FRMD4A: variants seen among roughly 807,000 people sequenced by gnomAD.
The protein encoded by FRMD4A is FERM domain-containing protein 4A.
FRMD4A carries 29 observed loss-of-function variants against 129.1 expected under a neutral mutation model. The observed-to-expected ratio is 0.22, with a 90% CI of 0.17 to 0.31. The LOEUF is 0.31. Ranked by LOEUF, FRMD4A falls within the 10% of genes least tolerant of loss-of-function variation. FRMD4A has a pLI of 1.00. For missense variants in FRMD4A, 1,272 were observed against 1,375.8 expected (o/e 0.92, Z 1.19); for synonymous variants, 634 against 571.6 (o/e 1.11, Z -1.56).
At chr10:14,124,507 C>A (rs1394442594) in intron 2 of FRMD4A, among the ~76,000 whole-genome samples, 1 of 152,108 alleles carries the variant, frequency 6.6e-6, no homozygotes, top group Non-Finnish European at 1.5e-5. Context: ...GAAACCTCAT[C>A]TCTACTATAA....
At chr10:13,683,155 A>T (rs1290980240) in intron 15 of FRMD4A, among the ~76,000 whole-genome samples, 1 of 152,162 alleles carries the variant, frequency 6.6e-6, no homozygotes, top group Non-Finnish European at 1.5e-5. Context: ...TGTAGCTGGG[A>T]TTACAGCGCG....
At chr10:13,688,231 C>T (rs568379678) in intron 15 of FRMD4A, among the ~76,000 whole-genome samples, 3 of 152,126 alleles carry the variant, frequency 2.0e-5, no homozygotes, top group Non-Finnish European at 4.4e-5. Context: ...ATGATGAGTT[C>T]ATGTCCTTTG....
At chr10:14,081,316 C>T (rs1371002154) in intron 2 of FRMD4A, among the ~76,000 whole-genome samples, 3 of 152,174 alleles carry the variant, frequency 2.0e-5, no homozygotes, top group Non-Finnish European at 4.4e-5. Flanking sequence ...TGCATTAAAG[C>T]CAATGTACCT....
chr10:13,813,436 C>G (rs112349675), intron 3 of FRMD4A, among the ~76,000 whole-genome samples: 95 of 152,272 alleles, frequency 6.2e-4, no homozygotes, highest in Middle Eastern at 3.4e-3. Context: ...GCGAGACTGT[C>G]TCAAAATAAA....
intron 2 of FRMD4A, among the ~76,000 whole-genome samples, chr10:14,178,303 A>G (rs1010146643): frequency 1.3e-5 from 2 of 152,226 alleles, no homozygotes; most frequent in African/African-American, 2.4e-5. Context: ...ATTTTAGACT[A>G]TTAGGCTATT....
chr10:13,980,142 A>AT (rs1292784350), intron 2 of FRMD4A, among the ~76,000 whole-genome samples: 1 of 152,158 alleles, frequency 6.6e-6, no homozygotes, highest in African/African-American at 2.4e-5. Flanking sequence ...TCTAGACTGC[A>AT]TTTTTCTCTT....
chr10:14,165,075 C>T (rs979559697), intron 2 of FRMD4A, among the ~76,000 whole-genome samples: 1 of 152,038 alleles, frequency 6.6e-6, no homozygotes, highest in African/African-American at 2.4e-5. Context: ...AAATAGACAA[C>T]CTATAGAATA....
At chr10:14,089,640 C>CAAAAAAAAAAAAAAAAAA (rs759243260) in intron 2 of FRMD4A, among the ~76,000 whole-genome samples, 1 of 70,276 alleles carries the variant, frequency 1.4e-5, no homozygotes, top group African/African-American at 5.0e-5. Flanking sequence ...CAAAAAAAAA[C>CAAAAAAAAAAAAAAAAAA]AAACAAAAAA....
At chr10:13,715,905 CAAAAAA>C (rs61600242) in intron 12 of FRMD4A, among the ~76,000 whole-genome samples, 4 of 125,454 alleles carry the variant, frequency 3.2e-5, no homozygotes, top group Admixed American at 8.6e-5. Flanking sequence ...ACTCCCCCCT[CAAAAAA>C]AAAAAAAAAA....
intron 2 of FRMD4A, among the ~76,000 whole-genome samples, chr10:14,017,976 A>T (rs1002074725): frequency 6.6e-6 from 1 of 152,230 alleles, no homozygotes; most frequent in African/African-American, 2.4e-5. Context: ...CCTCCAGTGG[A>T]CAAATCCTTA....
chr10:13,792,553 A>T (rs745773219), intron 5 of FRMD4A, among the ~76,000 whole-genome samples: 2 of 152,196 alleles, frequency 1.3e-5, no homozygotes, highest in Non-Finnish European at 2.9e-5. Flanking sequence ...GGAAGAATTT[A>T]TGGACCATCC....
At chr10:13,800,493 T>C (rs1345466234) in intron 4 of FRMD4A, among the ~76,000 whole-genome samples, 1 of 152,262 alleles carries the variant, frequency 6.6e-6, no homozygotes, top group Non-Finnish European at 1.5e-5. Context: ...AATACAGTGA[T>C]TTTTCTCTGG....
intron 2 of FRMD4A, among the ~76,000 whole-genome samples, chr10:14,157,262 T>C (rs1248236902): frequency 2.0e-5 from 3 of 152,170 alleles, no homozygotes. Context: ...CACCTCTCTT[T>C]CTCTGTCTCT....
intron 2 of FRMD4A, among the ~76,000 whole-genome samples, chr10:13,979,007 G>A (rs1394645560): frequency 6.6e-6 from 1 of 152,104 alleles, no homozygotes; most frequent in Non-Finnish European, 1.5e-5. Context: ...ATGCACACCA[G>A]GCCCCAGTAG....
At chr10:13,902,708 C>T (rs1214493947) in intron 2 of FRMD4A, among the ~76,000 whole-genome samples, 1 of 151,918 alleles carries the variant, frequency 6.6e-6, no homozygotes, top group African/African-American at 2.4e-5. Context: ...GGTGTGGTGG[C>T]ACACACTTGT....
chr10:14,028,108 A>G (rs967293218), intron 2 of FRMD4A, among the ~76,000 whole-genome samples: 2 of 152,236 alleles, frequency 1.3e-5, no homozygotes, highest in African/African-American at 4.8e-5. Context: ...TTTTCTTAGT[A>G]ACTATATTCT....
intron 2 of FRMD4A, among the ~76,000 whole-genome samples, chr10:14,260,386 G>T (rs896259716): frequency 2.0e-5 from 3 of 152,154 alleles, no homozygotes; most frequent in African/African-American, 7.2e-5. Context: ...GACACCACAT[G>T]GTGGCTGTGT....
chr10:14,243,083 C>A (rs1035811199), intron 2 of FRMD4A, among the ~76,000 whole-genome samples: 1 of 150,684 alleles, frequency 6.6e-6, no homozygotes, highest in African/African-American at 2.4e-5. Context: ...CATCCATACA[C>A]ACACACATGC....
chr10:14,006,482 G>C (rs1327287024), intron 2 of FRMD4A, among the ~76,000 whole-genome samples: 3 of 152,110 alleles, frequency 2.0e-5, no homozygotes, highest in Non-Finnish European at 4.4e-5. Flanking sequence ...GCCTATATTT[G>C]AATTTATGCA....
Sources: gnomAD v4.1 joint callset for allele counts (sites outside exome capture counted in the v4.1 genomes callset) on GRCh38, gnomAD v4.1.1 for gene constraint, MANE v1.5 for transcripts, NCBI Gene and HGNC (gene_info 2026-07-23, HGNC 2026-07-21) for gene names.